WIPF3: variants seen among roughly 807,000 people sequenced by gnomAD.
The protein encoded by WIPF3 is WAS/WASL-interacting protein family member 3.
A neutral mutation model predicts 38.9 loss-of-function variants in WIPF3; 33 were observed. That is an observed-to-expected ratio of 0.85 (90% CI 0.64 to 1.14). The LOEUF (loss-of-function observed/expected upper bound fraction) is 1.14. WIPF3 is among the 50% of genes most tolerant of loss of function. The pLI is 0.00. For missense variants in WIPF3, 711 were observed against 652.5 expected, an observed-to-expected ratio of 1.09 and a Z score of -0.98; for synonymous variants, 324 against 269.3, an observed-to-expected ratio of 1.20 and a Z score of -1.99.
chr7:29,840,753 C>T (rs184666940), intron 2 of WIPF3, among the ~76,000 whole-genome samples: 31 of 152,254 alleles, frequency 2.0e-4, no homozygotes, highest in African/African-American at 7.2e-4. Context: ...TTGGGCTCAA[C>T]TCCAAATACA....
At chr7:29,837,696 A>G (rs1784828303) in intron 2 of WIPF3, among the ~76,000 whole-genome samples, 1 of 152,212 alleles carries the variant, frequency 6.6e-6, no homozygotes, top group South Asian at 2.1e-4. Context: ...TACACTTACA[A>G]TACATATTAA....
chr7:29,852,934 T>TA (rs1785127253), intron 2 of WIPF3, among the ~76,000 whole-genome samples: 1 of 152,194 alleles, frequency 6.6e-6, no homozygotes, highest in Non-Finnish European at 1.5e-5. Context: ...TGTGACAAAT[T>TA]AAAAAACATC....
At chr7:29,843,527 A>G (rs1422132252) in intron 2 of WIPF3, among the ~76,000 whole-genome samples, 1 of 152,150 alleles carries the variant, frequency 6.6e-6, no homozygotes, top group East Asian at 1.9e-4. Flanking sequence ...GGGTGACCCT[A>G]GGGTTTGTCT....
intron 4 of WIPF3, among the ~76,000 whole-genome samples, chr7:29,881,971 C>G (rs1296410706): frequency 6.6e-6 from 1 of 152,202 alleles, no homozygotes; most frequent in African/African-American, 2.4e-5. Context: ...AGCTCTCTGT[C>G]GGCCCAGGCC....
At chr7:29,827,912 C>G (rs954007239) in intron 1 of WIPF3, among the ~76,000 whole-genome samples, 1 of 152,212 alleles carries the variant, frequency 6.6e-6, no homozygotes, top group African/African-American at 2.4e-5. Flanking sequence ...CTTCCCACCT[C>G]AGCCTCCTGA....
chr7:29,821,161 A>G (rs1055180403), intron 1 of WIPF3, among the ~76,000 whole-genome samples: 1 of 152,242 alleles, frequency 6.6e-6, no homozygotes, highest in Non-Finnish European at 1.5e-5. Context: ...TCTTACTACA[A>G]TGACAGTTTG....
intron 1 of WIPF3, among the ~76,000 whole-genome samples, chr7:29,830,724 T>C (rs1297883953): frequency 6.6e-6 from 1 of 152,100 alleles, no homozygotes; most frequent in Non-Finnish European, 1.5e-5. Context: ...AGAAATTGCA[T>C]ACTTCTCTGA....
At chr7:29,867,110 C>T (rs533199592) in intron 2 of WIPF3, among the ~76,000 whole-genome samples, 3 of 152,296 alleles carry the variant, frequency 2.0e-5, no homozygotes, top group Admixed American at 2.0e-4. Flanking sequence ...AAATGCCTTC[C>T]CATTTCTTTT....
intron 2 of WIPF3, among the ~76,000 whole-genome samples, chr7:29,849,667 G>C (rs975999165): frequency 4.6e-5 from 7 of 152,152 alleles, no homozygotes; most frequent in Non-Finnish European, 7.3e-5. Flanking sequence ...AAAGCTTCTG[G>C]TCATGGAGAT....
rs190582486 is a variant in WIPF3 at position 29,909,118 on chromosome 7, C to G, written c.1428+4756C>G. Among the ~76,000 whole-genome samples, 22 of 152,124 alleles carry G rather than the reference C, an allele frequency of 1.4e-4. 1 individual carries two copies. The highest frequency in any genetic ancestry group is 1.4e-3 in the Admixed American group (21 of 15,276). ...GAGATTAATTGAAATGAACATACAA[C>G]ATACCAAAATTTATGGAACACTGAA... On this transcript the variant is annotated intron_variant, in intron 8 of 8. Transcript: ENST00000242140.
At chr7:29,837,572 TTCTC>T (rs928745117) in intron 2 of WIPF3, among the ~76,000 whole-genome samples, 10 of 152,194 alleles carry the variant, frequency 6.6e-5, no homozygotes, top group African/African-American at 2.4e-4. Context: ...TCTCCTTCAT[TTCTC>T]TCTCTCTTTC....
intron 4 of WIPF3, 66 bp from the exon 5 acceptor site, chr7:29,883,784 C>A (rs1007600166): frequency 4.0e-6 from 6 of 1,500,140 alleles, no homozygotes; most frequent in Non-Finnish European, 5.3e-6. Context: ...TCCTGAGTGC[C>A]GCCTACCTGC....
At chr7:29,898,122 G>C (rs1293032577) in intron 7 of WIPF3, among the ~76,000 whole-genome samples, 1 of 152,118 alleles carries the variant, frequency 6.6e-6, no homozygotes, top group Non-Finnish European at 1.5e-5. Flanking sequence ...GCTCCATGTT[G>C]CCAACTACAG....
Position 29,875,951 on chromosome 7 carries a change from C to G in WIPF3, c.212C>G (p.Pro71Arg). Residue 71 changes from proline to arginine, a missense_variant, in exon 3 of 9, where the codon CCG (proline) becomes CGG (arginine). Physicochemically the swap from Pro to Arg is moderately radical, Grantham distance 103. Transcript: ENST00000242140. Reference sequence around the variant, plus strand: ...ACGCAGATCAACGACCGCAGTGCCCCGCAGATCGAGAGTAAGTGAGCAGCC... The same window carrying G: ...ACGCAGATCAACGACCGCAGTGCCCGGCAGATCGAGAGTAAGTGAGCAGCC... ...KVTQINDRSA[P>R]QIESSKGTNK... 1 of 1,613,728 alleles carries G rather than the reference C, an allele frequency of 6.2e-7. No homozygotes were observed. The highest frequency in any genetic ancestry group is 8.5e-7 in the Non-Finnish European group (1 of 1,179,774).
At chr7:29,818,492 TAATTA>T (rs1784489230) in intron 1 of WIPF3, among the ~76,000 whole-genome samples, 1 of 148,858 alleles carries the variant, frequency 6.7e-6, no homozygotes, top group African/African-American at 2.4e-5. Context: ...ATAATTAAAA[TAATTA>T]AATTATTTGA....
At chr7:29,900,152 G>A (rs1249081502) in intron 7 of WIPF3, among the ~76,000 whole-genome samples, 1 of 150,228 alleles carries the variant, frequency 6.7e-6, no homozygotes, top group Admixed American at 6.6e-5. Context: ...TGTTCAGGCT[G>A]TTCTCAACTC....
At chr7:29,807,398 G>T (rs1250452552) in intron 1 of WIPF3, among the ~76,000 whole-genome samples, 1 of 152,224 alleles carries the variant, frequency 6.6e-6, no homozygotes, top group Non-Finnish European at 1.5e-5. Flanking sequence ...TGGTGGGTAG[G>T]TAGGTGGCAG....
Position 29,884,218 on chromosome 7 carries a change from G to T in WIPF3, c.724G>T (p.Val242Phe). ...GCCACCCCCGCTGCCCCCGGCCTCG[G>T]TTCTTAGTGACAAGGCAGTGAAGCC... is the stretch of plus-strand genomic sequence containing the variant. ...PTPPPLPPAS[V>F]LSDKAVKPQL... Residue 242 changes from valine (V) to phenylalanine (F), a missense_variant, in exon 5 of 9, where the codon GTT becomes TTT. Transcript: ENST00000242140. 1 of 1,508,194 alleles carries T rather than the reference G, an allele frequency of 6.6e-7. No homozygotes were observed. Among genetic ancestry groups the T allele is most frequent in the Non-Finnish European group, 8.9e-7 (1 of 1,129,622 alleles). The allele number at this position is 1,508,194 out of a possible 1,614,324, so 93.4% of individuals were successfully genotyped here.
At position 29,914,492 on chromosome 7, in the gene WIPF3, G is replaced by A. The variant is rs1583635037; in HGVS notation, c.1429-1G>A. ...GGTAATGTTCTGTTATGTTTCCACA[G>A]TTATCTCTAAAGACTCTTCGGTGAG... On this transcript the variant is annotated splice_acceptor_variant, in intron 8 of 8. Transcript: ENST00000242140. LOFTEE classifies it high-confidence loss of function. The A allele has an allele frequency of 1.3e-6, 2 of 1,519,298 alleles. No homozygotes were observed. Among genetic ancestry groups the A allele is most frequent in the Non-Finnish European group, 1.8e-6 (2 of 1,131,736 alleles). 94.1% of individuals were successfully genotyped at this position (1,519,298 alleles called of 1,614,324 possible). A position where few individuals can be genotyped will look rare whatever the true frequency, so the allele number is the denominator to read the frequency against.
Sources: allele counts gnomAD v4.1 joint callset (sites outside exome capture counted in the v4.1 genomes callset), GRCh38; gene constraint gnomAD v4.1.1; transcripts MANE v1.5; gene names NCBI Gene and HGNC (gene_info 2026-07-23, HGNC 2026-07-21).